The following PLXNB3 variants were observed in gnomAD, a reference collection of about 807,000 sequenced individuals.
The protein encoded by PLXNB3 is plexin B3.
PLXNB3 carries 80 observed loss-of-function variants against 125.7 expected under a neutral mutation model. The ratio of observed to expected loss-of-function variants is 0.64; its 90% CI spans 0.53 to 0.77. PLXNB3 has a LOEUF of 0.77. Among genes scored for constraint, PLXNB3 ranks in the 30% least tolerant of loss-of-function variants. The pLI is 0.00. For missense variants in PLXNB3, 1,836 were observed against 1,729.3 expected (o/e 1.06, Z -1.09); for synonymous variants, 954 against 783.3 (o/e 1.22, Z -3.64).
Position 153,773,226 on chromosome X carries a change from G to A in PLXNB3, c.2907-4G>A. The A allele has an allele frequency of 1.7e-6, 2 of 1,199,061 alleles. No homozygotes were observed. Among genetic ancestry groups the A allele is most frequent in the Non-Finnish European group, 2.3e-6 (2 of 887,809 alleles). ...GATGAGAGACCCCACTACCCATCCT[G>A]CAGCCTGGAGCCAGTGTGTCCGGAG... On this transcript the variant is annotated splice_polypyrimidine_tract_variant and splice_region_variant and intron_variant, in intron 17 of 35. Coordinates refer to ENST00000361971, the MANE Select transcript of PLXNB3 (RefSeq NM_005393.3).
At chrX:153,769,438 A>AC (rs1371158939) in intron 6 of PLXNB3, among the ~76,000 whole-genome samples, 176 bp downstream of exon 6, 3 of 108,830 alleles carry the variant, frequency 2.8e-5, no homozygotes, top group African/African-American at 6.7e-5. Flanking sequence ...TCTGGTTGGC[A>AC]CCCCCCTTTT....
In PLXNB3 at chrX:153,775,248, G is replaced by A; in HGVS notation, c.4179G>A (p.Gln1393=). ...AGCTCATCCACACCCTGGAGGAGCA[G>A]CCCAGCTTTTCCCAGAGGGATCGCT... ...LLTLIHTLEE[Q]PSFSQRDRCH... is the part of the protein sequence containing the mutation. The change falls in exon 25 of 36, where the codon CAG becomes CAA. Residue 1393 remains glutamine, a synonymous_variant. Coordinates refer to ENST00000361971, the MANE Select transcript of PLXNB3 (RefSeq NM_005393.3). 1 of 1,193,877 alleles carries A rather than the reference G, an allele frequency of 8.4e-7. No individual in the cohort carries two copies. Among genetic ancestry groups the A allele is most frequent in the Non-Finnish European group, 1.1e-6 (1 of 886,868 alleles).
chrX:153,778,724 G>A (rs375823738), intron 35 of PLXNB3, 50 bp downstream of exon 35: 154 of 1,140,958 alleles, frequency 1.3e-4, no homozygotes, highest in Non-Finnish European at 1.7e-4. Context: ...CGGGAGGCCC[G>A]TGGACCCTCC....
In PLXNB3 at chrX:153,774,019, ACCC is replaced by A; in HGVS notation, c.3443_3445del (p.Pro1148del). On this transcript the variant is annotated inframe_deletion, in exon 20 of 36. Transcript: ENST00000361971. Reference sequence around the variant, plus strand: ...GGCCAGGGCTTCCTGTACCAGCCCAACCCCCGCCTGGCACCCCTCAGCCGCGAG... The same window carrying A: ...GGCCAGGGCTTCCTGTACCAGCCCAACCGCCTGGCACCCCTCAGCCGCGAG... The A allele has an allele frequency of 1.7e-6, 2 of 1,196,259 alleles. No homozygotes were observed. The highest frequency in any genetic ancestry group is 2.3e-6 in the Non-Finnish European group (2 of 888,186).
In PLXNB3 at chrX:153,779,245, A is replaced by G. The variant is rs2092028331; in HGVS notation, c.*206A>G. 1 of 271,277 alleles carries G rather than the reference A, an allele frequency of 3.7e-6. No individual in the cohort carries two copies. Among genetic ancestry groups the G allele is most frequent in the East Asian group, 5.2e-5 (1 of 19,142 alleles). 22.4% of individuals were successfully genotyped at this position (271,277 alleles called of 1,213,427 possible). A position where few individuals can be genotyped will look rare whatever the true frequency, so the allele number is the denominator to read the frequency against. ...CCCCACCTGAGATTGTTTCTAATTTATAAGGATCCCCCTCCTTCCCCCTCT... is the reference window on the plus strand; with the variant it reads ...CCCCACCTGAGATTGTTTCTAATTTGTAAGGATCCCCCTCCTTCCCCCTCT... On this transcript the variant is annotated 3_prime_UTR_variant, in exon 36 of 36. Transcript: ENST00000361971.
At chrX:153,774,141 C>T (rs782653074) in intron 20 of PLXNB3, 43 bp downstream of exon 20, 7 of 1,198,906 alleles carry the variant, frequency 5.8e-6, no homozygotes, top group African/African-American at 3.5e-5. Context: ...GTGCTCAGGC[C>T]GCCTCTGTGG....
chrX:153,773,321 G>A lies in PLXNB3; in HGVS notation c.2998G>A (p.Ala1000Thr). 1 of 1,209,832 alleles carries A rather than the reference G, an allele frequency of 8.3e-7. No homozygotes were observed. Among genetic ancestry groups the A allele is most frequent in the Non-Finnish European group, 1.1e-6 (1 of 894,818 alleles). The stretch of plus-strand genomic sequence containing the variant: ...AGCGGTCCTTGTGGTCTTTGGCCAT[G>A]CCCAGCGCACACTGCTCGCCAGCCC... ...EAAVLVVFGH[A>T]QRTLLASPFR... The change falls in exon 18 of 36, where the codon GCC becomes ACC. Residue 1000 changes from alanine (A) to threonine (T), a missense_variant. Physicochemically the swap from Ala to Thr is moderately conservative, Grantham distance 58 (BLOSUM62 0). Transcript: ENST00000361971.
Position 153,770,792 on chromosome X carries a change from C to T in PLXNB3, c.2045C>T (p.Pro682Leu). 1 of 1,207,541 alleles carries T rather than the reference C, an allele frequency of 8.3e-7. No homozygotes were observed. The highest frequency in any genetic ancestry group is 1.1e-6 in the Non-Finnish European group (1 of 892,391). The part of the protein sequence containing the change: ...DIQVRGPGAC[P>L]QVEGLAGPHL... Reference sequence around the variant, plus strand: ...CAGGTGCGTGGCCCAGGGGCTTGCCCACAGGTCGAAGGCCTGGCAGGTCCC... The same window carrying T: ...CAGGTGCGTGGCCCAGGGGCTTGCCTACAGGTCGAAGGCCTGGCAGGTCCC... The change falls in exon 11 of 36, where the codon CCA becomes CTA. Residue 682 changes from proline to leucine, a missense_variant. Coordinates refer to ENST00000361971, the MANE Select transcript of PLXNB3 (RefSeq NM_005393.3).
In PLXNB3 at chrX:153,777,285, G is replaced by A. The variant is rs1251258499; in HGVS notation, c.5005G>A (p.Gly1669Arg). ...HLVKATEEPE[G>R]AKVRCSSLRE... ...GGTGAAAGCCACCGAGGAGCCAGAA[G>A]GGGCCAAGGTGCGGTGCAGCAGCCT... Residue 1669 changes from glycine to arginine, a missense_variant, in exon 30 of 36, where the codon GGG becomes AGG. Gly to Arg is a moderately radical substitution (Grantham distance 125). Coordinates refer to ENST00000361971, the MANE Select transcript of PLXNB3 (RefSeq NM_005393.3). 1 of 1,203,470 alleles carries A rather than the reference G, an allele frequency of 8.3e-7. No homozygotes were observed. Among genetic ancestry groups the A allele is most frequent in the Non-Finnish European group, 1.1e-6 (1 of 890,571 alleles).
Position 153,770,711 on chromosome X carries a change from A to G in PLXNB3, c.2011-47A>G, listed in dbSNP as rs189819331. The G allele has an allele frequency of 2.4e-3, 2,845 of 1,205,482 alleles. 20 individuals are homozygous for G. In the South Asian group the frequency reaches 0.026, roughly 11 times the overall value. On this transcript the variant is annotated intron_variant, in intron 10 of 35. Coordinates refer to ENST00000361971, the MANE Select transcript of PLXNB3 (RefSeq NM_005393.3). Reference sequence around the variant, plus strand: ...TCCACCCTTCCCAGACCCGCCCAGCAGTAGGCCCTTTGAGTTCTGAAGGGC... The same window carrying G: ...TCCACCCTTCCCAGACCCGCCCAGCGGTAGGCCCTTTGAGTTCTGAAGGGC...
intron 25 of PLXNB3, 75 bp from the exon 26 acceptor site, chrX:153,775,518 TG>T: frequency 1.7e-6 from 2 of 1,148,708 alleles, no homozygotes; most frequent in African/African-American, 1.8e-5. Flanking sequence ...CCCCAGCAGG[TG>T]GGGGGAAGGA....
chrX:153,765,569 C>T lies in PLXNB3; in HGVS notation c.34C>T (p.His12Tyr), dbSNP rs1251342410. ...CGCCGCCCAGGAGACCCCTCTGCTG[C>T]ACCACTTCATGGTAAGTGCCCAGGC... ...CHAAQETPLL[H>Y]HFMAPVMARW... The change falls in exon 2 of 36, where the codon CAC becomes TAC. Residue 12 changes from histidine to tyrosine, a missense_variant. Physicochemically the swap from His to Tyr is moderately conservative, Grantham distance 83 (BLOSUM62 2). Coordinates refer to ENST00000361971, the MANE Select transcript of PLXNB3 (RefSeq NM_005393.3). 1.7e-6 allele frequency: 2 copies of T among 1,194,880 alleles called. No homozygotes were observed. The highest frequency in any genetic ancestry group is 2.3e-6 in the Non-Finnish European group (2 of 887,287).
chrX:153,778,261 G>T lies in PLXNB3; in HGVS notation c.5410G>T (p.Asp1804Tyr). Residue 1804 changes from aspartate (D) to tyrosine (Y), a missense_variant and splice_region_variant, in exon 33 of 36, where the codon GAT (aspartate) becomes TAT (tyrosine). Physicochemically the swap from Asp to Tyr is radical, Grantham distance 160 (BLOSUM62 -3). Coordinates refer to ENST00000361971, the MANE Select transcript of PLXNB3 (RefSeq NM_005393.3). Reference sequence around the variant, plus strand: ...AGCGCCTCCCCTCCCTCCGGAGCAGGATTCCCCAGTGAACAAACTGCTCTA... The same window carrying T: ...AGCGCCTCCCCTCCCTCCGGAGCAGTATTCCCCAGTGAACAAACTGCTCTA... ...CTTSEHKVGR[D>Y]SPVNKLLYAR... is the part of the protein sequence containing the mutation. 1.7e-6 allele frequency: 2 copies of T among 1,198,723 alleles called. No homozygotes were observed. The highest frequency in any genetic ancestry group is 2.3e-6 in the Non-Finnish European group (2 of 887,260).
chrX:153,768,413 G>C lies in PLXNB3; in HGVS notation c.1251G>C (p.Gln417His). The stretch of plus-strand genomic sequence containing the variant: ...TGATAGCCTTCCTGGGGGACACCCA[G>C]GGCCAGCTGTACAAGGTGAGGGCCC... ...GHMIAFLGDT[Q>H]GQLYKVFLHG... Residue 417 changes from glutamine to histidine, a missense_variant, in exon 4 of 36, where the codon CAG (glutamine) becomes CAC (histidine). Coordinates refer to ENST00000361971, the MANE Select transcript of PLXNB3 (RefSeq NM_005393.3). The C allele has an allele frequency of 8.3e-7, 1 of 1,203,231 alleles. No homozygotes were observed. Among genetic ancestry groups the C allele is most frequent in the Non-Finnish European group, 1.1e-6 (1 of 889,266 alleles).
At chrX:153,769,556 C>T (rs782724060) in intron 6 of PLXNB3, among the ~76,000 whole-genome samples, 1 of 113,143 alleles carries the variant, frequency 8.8e-6, no homozygotes, top group Non-Finnish European at 1.9e-5. Context: ...CCCCTGGAAT[C>T]CTTTAAGGCA....
Position 153,772,916 on chromosome X carries a change from TG to T in PLXNB3, c.2810del (p.Gly937AlafsTer82). 8.6e-7 allele frequency: 1 copy of T among 1,165,481 alleles called. No homozygotes were observed. The highest frequency in any genetic ancestry group is 1.1e-6 in the Non-Finnish European group (1 of 877,507). ...DPVLLSLSPR[W>X]GPQAGGTQLT... ...TGTCCTGCTGAGCCTGAGTCCTCGC[TG>T]GGGCCCCCAGGCAGGGGGCACCCAG... is the stretch of plus-strand genomic sequence containing the variant. On this transcript the variant is annotated frameshift_variant, in exon 17 of 36. Transcript: ENST00000361971. LOFTEE classifies it high-confidence loss of function.
In PLXNB3 at chrX:153,773,867, C is replaced by T. The variant is rs782747484; in HGVS notation, c.3288C>T (p.Thr1096=). 16 of 1,211,141 alleles carry T rather than the reference C, an allele frequency of 1.3e-5. No homozygotes were observed. Among genetic ancestry groups the T allele is most frequent in the South Asian group, 8.8e-5 (5 of 57,049 alleles). Residue 1096 remains threonine, a synonymous_variant, in exon 20 of 36, where the codon ACC becomes ACT. Transcript: ENST00000361971. ...QLGGGLLQCS[T]VCSVNSSSLL... Reference sequence around the variant, plus strand: ...CCCTGAATGCCCCACAGTGCTCCACCGTCTGCTCCGTCAACTCGTCCAGCC... The same window carrying T: ...CCCTGAATGCCCCACAGTGCTCCACTGTCTGCTCCGTCAACTCGTCCAGCC...
In PLXNB3 at chrX:153,766,862, C is replaced by T. The variant is rs781850940; in HGVS notation, c.46-11C>T. 5.9e-6 allele frequency: 7 copies of T among 1,182,893 alleles called. No homozygotes were observed. The highest frequency in any genetic ancestry group is 7.9e-6 in the Non-Finnish European group (7 of 883,203). ...TGCGCTCCCACTGCCCTGACCTGTG[C>T]CCTCTCACAGGCCCCCGTGATGGCT... On this transcript the variant is annotated splice_polypyrimidine_tract_variant and intron_variant, in intron 2 of 35. Transcript: ENST00000361971.
In PLXNB3 at chrX:153,775,659, G is replaced by A. The variant is rs782115691; in HGVS notation, c.4400G>A (p.Arg1467Lys). 5.0e-6 allele frequency: 6 copies of A among 1,208,404 alleles called. No homozygotes were observed. Among genetic ancestry groups the A allele is most frequent in the Non-Finnish European group, 6.7e-6 (6 of 892,971 alleles). ...TCCATCTGCCTGTACGCCTTCCTGA[G>A]GGTGAGGGGCACTGTCCCGCCTGCT... ...WLSICLYAFL[R>K]EVAGEPLYML... The change falls in exon 26 of 36, where the codon AGG becomes AAG. Residue 1467 changes from arginine to lysine, a missense_variant and splice_region_variant. By Grantham distance (26) the Arg-to-Lys change is conservative. Coordinates refer to ENST00000361971, the MANE Select transcript of PLXNB3 (RefSeq NM_005393.3).
Sources: allele counts gnomAD v4.1 joint callset (sites outside exome capture counted in the v4.1 genomes callset), GRCh38; gene constraint gnomAD v4.1.1; transcripts MANE v1.5; gene names NCBI Gene and HGNC (gene_info 2026-07-23, HGNC 2026-07-21).